PDCD10: variants seen among roughly 807,000 people sequenced by gnomAD.
PDCD10 encodes the protein programmed cell death 10.
PDCD10 carries 4 observed loss-of-function variants against 29.2 expected under a neutral mutation model. The ratio of observed to expected loss-of-function variants is 0.14; its 90% CI spans 0.07 to 0.31. The LOEUF (loss-of-function observed/expected upper bound fraction) is 0.31, where lower values mean the gene tolerates loss of function less well. Ranked by LOEUF, PDCD10 falls within the 10% of genes least tolerant of loss-of-function variation. PDCD10 has a pLI of 1.00. For synonymous variants in PDCD10, 70 were observed against 82.2 expected (o/e 0.85, Z 0.80); for missense variants, 183 against 257.9 (o/e 0.71, Z 1.99).
At chr3:167,718,813 T>C (rs1458867458) in intron 3 of PDCD10, among the ~76,000 whole-genome samples, 1 of 151,616 alleles carries the variant, frequency 6.6e-6, no homozygotes, top group African/African-American at 2.4e-5. Context: ...GAGCAGAAGA[T>C]AAGAACTTGA....
At chr3:167,692,905 A>G (rs939783722) in intron 6 of PDCD10, among the ~76,000 whole-genome samples, 1 of 152,232 alleles carries the variant, frequency 6.6e-6, no homozygotes, top group African/African-American at 2.4e-5. Flanking sequence ...GCGACAGAGC[A>G]AGACTCCGTC....
chr3:167,701,618 C>T (rs1721446097), intron 4 of PDCD10, among the ~76,000 whole-genome samples: 1 of 152,202 alleles, frequency 6.6e-6, no homozygotes. Flanking sequence ...AACACCACAC[C>T]TCTAAATCAG....
intron 3 of PDCD10, 97 bp downstream of exon 3, chr3:167,719,965 G>T: frequency 1.1e-6 from 1 of 888,764 alleles, no homozygotes; most frequent in Non-Finnish European, 1.9e-6. Flanking sequence ...GTTCATTCAT[G>T]CTAGTATTTG....
intron 2 of PDCD10, among the ~76,000 whole-genome samples, chr3:167,728,600 C>T (rs1489269575): frequency 3.3e-5 from 5 of 152,190 alleles, no homozygotes; most frequent in Admixed American, 6.5e-5. Context: ...AACTGATGCA[C>T]ATGGAAGTAC....
chr3:167,710,810 G>A (rs1722450517), intron 3 of PDCD10, among the ~76,000 whole-genome samples: 1 of 152,120 alleles, frequency 6.6e-6, no homozygotes, highest in South Asian at 2.1e-4. Flanking sequence ...TGGCAACAGG[G>A]GTGTCACCCC....
chr3:167,714,120 T>C (rs1176018624), intron 3 of PDCD10, among the ~76,000 whole-genome samples: 1 of 151,670 alleles, frequency 6.6e-6, no homozygotes. Flanking sequence ...CAGGCCAATC[T>C]CTGATAAATA....
At chr3:167,725,763 T>TTATATATATATATA (rs67647566) in intron 2 of PDCD10, among the ~76,000 whole-genome samples, 7 of 77,162 alleles carry the variant, frequency 9.1e-5, no homozygotes, top group Non-Finnish European at 1.3e-4. Context: ...ATTGTATCGT[T>TTATATATATATATA]TATATATATA....
At chr3:167,711,605 A>G (rs1722525859) in intron 3 of PDCD10, among the ~76,000 whole-genome samples, 1 of 152,194 alleles carries the variant, frequency 6.6e-6, no homozygotes, top group Non-Finnish European at 1.5e-5. Flanking sequence ...AGTGTATTCA[A>G]AGTGATAACA....
chr3:167,692,720 C>T (rs1720385075), intron 6 of PDCD10, among the ~76,000 whole-genome samples: 1 of 152,198 alleles, frequency 6.6e-6, no homozygotes, highest in Non-Finnish European at 1.5e-5. Flanking sequence ...AGATCGAGAC[C>T]ATCCTGGCTA....
At chr3:167,697,213 A>G in intron 4 of PDCD10, 87 bp from the exon 5 acceptor site, 1 of 775,394 alleles carries the variant, frequency 1.3e-6, no homozygotes. Flanking sequence ...ATCTGTTGGG[A>G]GCGTCTTACA....
At chr3:167,685,445 G>A (rs1346376655) in intron 8 of PDCD10, among the ~76,000 whole-genome samples, 2 of 144,188 alleles carry the variant, frequency 1.4e-5, no homozygotes, top group Non-Finnish European at 3.0e-5. Context: ...AGAAATAGCT[G>A]AATCAATGCA....
chr3:167,726,171 G>T (rs1163593827), intron 2 of PDCD10, among the ~76,000 whole-genome samples: 2 of 145,554 alleles, frequency 1.4e-5, no homozygotes, highest in African/African-American at 2.6e-5. Context: ...CCCAGGCTGG[G>T]GTGCAGTGGC....
At chr3:167,723,416 A>G (rs1024333041) in intron 2 of PDCD10, among the ~76,000 whole-genome samples, 1 of 152,144 alleles carries the variant, frequency 6.6e-6, no homozygotes, top group Non-Finnish European at 1.5e-5. Context: ...TCAACCCTCT[A>G]AGGTACACTA....
chr3:167,719,159 AAG>A (rs1577363979), intron 3 of PDCD10, among the ~76,000 whole-genome samples: 1 of 152,152 alleles, frequency 6.6e-6, no homozygotes, highest in Non-Finnish European at 1.5e-5. Flanking sequence ...GTATTTTACA[AAG>A]AGAGATGAAA....
intron 8 of PDCD10, among the ~76,000 whole-genome samples, chr3:167,686,781 C>G (rs961411402): frequency 2.6e-5 from 4 of 151,956 alleles, no homozygotes; most frequent in Non-Finnish European, 5.9e-5. Context: ...ATAAAGTAGG[C>G]CAATGAACTA....
At chr3:167,694,786 T>G (rs1190911243) in intron 6 of PDCD10, 1 of 152,356 alleles carries the variant, frequency 6.6e-6, no homozygotes, top group Non-Finnish European at 1.5e-5. Context: ...CAAGTGAGTC[T>G]CCTTAGGTTC....
At chr3:167,711,159 C>T (rs1358872677) in intron 3 of PDCD10, among the ~76,000 whole-genome samples, 1 of 152,126 alleles carries the variant, frequency 6.6e-6, no homozygotes, top group Non-Finnish European at 1.5e-5. Flanking sequence ...AAAAACATGA[C>T]CTCACCAAAC....
At position 167,716,497 on chromosome 3, in the gene PDCD10, C is replaced by T. The variant is rs1040504909; in HGVS notation, c.96+3565G>A. ...GATGTGATTATTACGCATTGCATGCCTGTTTCAAAGTATCTCACGTACTCC... is the reference window on the plus strand; with the variant it reads ...GATGTGATTATTACGCATTGCATGCTTGTTTCAAAGTATCTCACGTACTCC... On this transcript the variant is annotated intron_variant, in intron 3 of 8. Transcript: ENST00000392750. 3.3e-5 allele frequency among the ~76,000 whole-genome samples: 5 copies of T among 151,888 alleles called. No homozygotes were observed. The South Asian group carries it at 1.0e-3, about 32-fold the overall frequency.
chr3:167,692,635 T>C (rs1315852654), intron 6 of PDCD10, among the ~76,000 whole-genome samples: 1 of 152,146 alleles, frequency 6.6e-6, no homozygotes, highest in Non-Finnish European at 1.5e-5. Context: ...ACAAAACCCT[T>C]AGGCCAGGCG....
Sources: allele counts gnomAD v4.1 joint callset (sites outside exome capture counted in the v4.1 genomes callset), GRCh38; gene constraint gnomAD v4.1.1; transcripts MANE v1.5; gene names NCBI Gene and HGNC (gene_info 2026-07-23, HGNC 2026-07-21).